The following MAP3K1 variants were observed in gnomAD, a reference collection of about 807,000 sequenced individuals.
MAP3K1 encodes the protein mitogen-activated protein kinase kinase kinase 1.
Under a neutral mutation model 144.2 loss-of-function variants are expected in MAP3K1, and 36 were observed. That is an observed-to-expected ratio of 0.25 (90% CI 0.19 to 0.33). The LOEUF (loss-of-function observed/expected upper bound fraction) is 0.33. Among genes scored for constraint, MAP3K1 ranks in the 10% least tolerant of loss-of-function variants. The pLI, the probability that MAP3K1 is intolerant of heterozygous loss-of-function variation, is 1.00. For missense variants in MAP3K1, 1,650 were observed against 1,881.9 expected, an observed-to-expected ratio of 0.88 and a Z score of 2.28; for synonymous variants, 718 against 688.7, an observed-to-expected ratio of 1.04 and a Z score of -0.67.
chr5:56,888,176 T>C lies in MAP3K1; in HGVS notation c.4258-50T>C, dbSNP rs778024852. 4.4e-6 allele frequency: 7 copies of C among 1,579,652 alleles called. No individual in the cohort carries two copies. In the East Asian group the frequency reaches 1.3e-4, roughly 30 times the overall value. ...AGAATCTATAACTACAAAATGGCCTTCTCTTTTTCAAATGAGTCCTATTTC... is the reference window on the plus strand; with the variant it reads ...AGAATCTATAACTACAAAATGGCCTCCTCTTTTTCAAATGAGTCCTATTTC... On this transcript the variant is annotated intron_variant, in intron 18 of 19. Coordinates refer to ENST00000399503, the MANE Select transcript of MAP3K1 (RefSeq NM_005921.2).
intron 3 of MAP3K1, 58 bp downstream of exon 3, chr5:56,859,973 C>T (rs1265879246): frequency 1.4e-6 from 2 of 1,387,796 alleles, no homozygotes; most frequent in Non-Finnish European, 2.0e-6. Flanking sequence ...TCATTTATAA[C>T]AAAGAAAAGA....
chr5:56,834,891 A>G (rs1262456097), intron 1 of MAP3K1, among the ~76,000 whole-genome samples: 1 of 152,184 alleles, frequency 6.6e-6, no homozygotes, highest in Non-Finnish European at 1.5e-5. Context: ...ATAAAATAAG[A>G]TACTTAATTT....
Position 56,882,731 on chromosome 5 carries a change from C to T in MAP3K1, c.3531C>T (p.Cys1177=), listed in dbSNP as rs2111948069. The change falls in exon 14 of 20, where the codon TGC becomes TGT. Residue 1177 remains cysteine (C), a synonymous_variant. Transcript: ENST00000399503. ...YKDDVNHNQK[C]KEKMEAEEEE... ...ATGATGTGAATCATAATCAAAAGTGCAAAGAGAAGATGGAAGCTGAAGAAG... is the reference window on the plus strand; with the variant it reads ...ATGATGTGAATCATAATCAAAAGTGTAAAGAGAAGATGGAAGCTGAAGAAG... 6.2e-7 allele frequency: 1 copy of T among 1,613,260 alleles called. No homozygotes were observed. Among genetic ancestry groups the T allele is most frequent in the Non-Finnish European group, 8.5e-7 (1 of 1,179,632 alleles).
chr5:56,827,972 T>G (rs984696461), intron 1 of MAP3K1, among the ~76,000 whole-genome samples: 18 of 152,114 alleles, frequency 1.2e-4, no homozygotes, highest in African/African-American at 4.3e-4. Flanking sequence ...AATGGGGTCG[T>G]TGGTGGTATA....
At chr5:56,883,393 A>C (rs988062761) in intron 14 of MAP3K1, 134 bp from the exon 15 acceptor site, 6 of 811,860 alleles carry the variant, frequency 7.4e-6, no homozygotes. Context: ...GTCGGTCACA[A>C]ATACCTTCCA....
Position 56,859,838 on chromosome 5 carries a change from C to G in MAP3K1, c.757C>G (p.Pro253Ala). ...TTCCAAAGGCCGACGCAGTCCTTCT[C>G]CTGGCAACTCCCCATCAGGTCGCAC... ...PASKGRRSPS[P>A]GNSPSGRTVK... The change falls in exon 3 of 20, where the codon CCT becomes GCT. Residue 253 changes from proline to alanine, a missense_variant. By Grantham distance (27) the Pro-to-Ala change is conservative (BLOSUM62 -1). Transcript: ENST00000399503. 6.2e-7 allele frequency: 1 copy of G among 1,613,842 alleles called. No homozygotes were observed. The highest frequency in any genetic ancestry group is 8.5e-7 in the Non-Finnish European group (1 of 1,179,896).
intron 1 of MAP3K1, among the ~76,000 whole-genome samples, chr5:56,819,766 C>T (rs1746098613): frequency 6.6e-6 from 1 of 152,202 alleles, no homozygotes; most frequent in Admixed American, 6.5e-5. Context: ...TTCTTTGCTT[C>T]TATCAAATAT....
intron 9 of MAP3K1, among the ~76,000 whole-genome samples, chr5:56,873,648 G>C (rs541788532): frequency 4.5e-4 from 69 of 152,068 alleles, no homozygotes; most frequent in Non-Finnish European, 5.9e-4. Flanking sequence ...AAAACCAGAC[G>C]GGTCTCCAGT....
chr5:56,865,608 A>G (rs1747650840), intron 5 of MAP3K1, 152 bp downstream of exon 5: 5 of 699,048 alleles, frequency 7.2e-6, no homozygotes, highest in South Asian at 1.8e-5. Context: ...TTCTCATGAG[A>G]TATTTACTAA....
At chr5:56,865,685 C>A in intron 5 of MAP3K1, 144 bp from the exon 6 acceptor site, 3 of 747,172 alleles carry the variant, frequency 4.0e-6, no homozygotes, top group Non-Finnish European at 6.4e-6. Flanking sequence ...TTAGTAAAAA[C>A]TATAATGTGT....
intron 10 of MAP3K1, among the ~76,000 whole-genome samples, chr5:56,877,302 C>T (rs958050773): frequency 6.6e-6 from 1 of 152,164 alleles, no homozygotes; most frequent in African/African-American, 2.4e-5. Context: ...TCTTTTTGTA[C>T]ACACCGTAAC....
At position 56,826,305 on chromosome 5, in the gene MAP3K1, A is replaced by G. The variant is rs529067519; in HGVS notation, c.482+10250A>G. Among the ~76,000 whole-genome samples the G allele has an allele frequency of 2.6e-5, 4 of 152,324 alleles. No individual in the cohort carries two copies. The East Asian group carries it at 5.8e-4, about 22-fold the overall frequency. On this transcript the variant is annotated intron_variant, in intron 1 of 19. Coordinates refer to ENST00000399503, the MANE Select transcript of MAP3K1 (RefSeq NM_005921.2). The stretch of plus-strand genomic sequence containing the variant: ...AATTCTGCCGAGCTCTGGTTTAACA[A>G]GTTCCTCGATATCTGAGTTAGATTT...
At chr5:56,863,613 A>G (rs565802492) in intron 3 of MAP3K1, among the ~76,000 whole-genome samples, 27 of 152,302 alleles carry the variant, frequency 1.8e-4, no homozygotes, top group African/African-American at 6.5e-4. Context: ...TTTGTGTACA[A>G]GTTTTCAGGT....
In MAP3K1 at chr5:56,815,867, A is replaced by T. The variant is rs912292788; in HGVS notation, c.294A>T (p.Ala98=). 62 of 1,392,788 alleles carry T rather than the reference A, an allele frequency of 4.5e-5. No homozygotes were observed. Among genetic ancestry groups the T allele is most frequent in the Non-Finnish European group, 5.4e-5 (58 of 1,069,082 alleles). 86.3% of individuals were successfully genotyped at this position (1,392,788 alleles called of 1,614,324 possible). Residue 98 remains alanine, a synonymous_variant, in exon 1 of 20, where the codon GCA becomes GCT. Coordinates refer to ENST00000399503, the MANE Select transcript of MAP3K1 (RefSeq NM_005921.2). The stretch of plus-strand genomic sequence containing the variant: ...CCCCGTCGCCGGAGCCCGCGGACGC[A>T]GCGGGGAGTGGGACCGGCTTCCAGC... ...STSPSPEPAD[A]AGSGTGFQPV... is the part of the protein sequence containing the mutation.
At position 56,871,959 on chromosome 5, in the gene MAP3K1, C is replaced by G; in HGVS notation, c.1351C>G (p.Leu451Val). 1 of 1,613,928 alleles carries G rather than the reference C, an allele frequency of 6.2e-7. No homozygotes were observed. Among genetic ancestry groups the G allele is most frequent in the Non-Finnish European group, 8.5e-7 (1 of 1,179,864 alleles). ...QMCPICLLGMLDEESLTVCED... is the reference protein window; with the variant it reads ...QMCPICLLGMVDEESLTVCED... ...GTGTCCTATTTGCTTGTTGGGCATGCTTGATGAAGAAAGTCTTACAGTGTG... is the reference window on the plus strand; with the variant it reads ...GTGTCCTATTTGCTTGTTGGGCATGGTTGATGAAGAAAGTCTTACAGTGTG... Residue 451 changes from leucine (L) to valine (V), a missense_variant, in exon 7 of 20, where the codon CTT becomes GTT. Leu to Val is a conservative substitution (Grantham distance 32). Transcript: ENST00000399503.
intron 1 of MAP3K1, chr5:56,817,081 C>CAGA (rs1746000878): frequency 1.0e-6 from 1 of 985,258 alleles, no homozygotes; most frequent in Non-Finnish European, 1.2e-6. Context: ...GGCTCAGATG[C>CAGA]GTCTTCTGGT....
chr5:56,880,640 A>T (rs996883505), intron 11 of MAP3K1, 71 bp from the exon 12 acceptor site: 29 of 1,002,272 alleles, frequency 2.9e-5, no homozygotes, highest in Non-Finnish European at 4.3e-5. Context: ...AAGGCATTAC[A>T]TTACTCCTCT....
chr5:56,840,505 A>C (rs1746780598), intron 1 of MAP3K1, among the ~76,000 whole-genome samples: 1 of 152,234 alleles, frequency 6.6e-6, no homozygotes, highest in African/African-American at 2.4e-5. Context: ...TTATTTAATA[A>C]TACAAAACTT....
intron 3 of MAP3K1, among the ~76,000 whole-genome samples, chr5:56,862,567 T>C (rs1248502348): frequency 6.6e-6 from 1 of 152,238 alleles, no homozygotes; most frequent in Non-Finnish European, 1.5e-5. Context: ...TTTCATTAGC[T>C]GGATAAATCA....
Sources: gnomAD v4.1 joint callset for allele counts (sites outside exome capture counted in the v4.1 genomes callset) on GRCh38, gnomAD v4.1.1 for gene constraint, MANE v1.5 for transcripts, NCBI Gene and HGNC (gene_info 2026-07-23, HGNC 2026-07-21) for gene names.